EXD2: variants seen among roughly 807,000 people sequenced by gnomAD.
EXD2 encodes the protein exonuclease 3'-5' domain-containing protein 2.
EXD2 carries 40 observed loss-of-function variants against 62.5 expected under a neutral mutation model. That is an observed-to-expected ratio of 0.64 (90% CI 0.50 to 0.83). The LOEUF (loss-of-function observed/expected upper bound fraction) is 0.83. Ranked by LOEUF, EXD2 falls within the 40% of genes least tolerant of loss-of-function variation. The probability of loss-of-function intolerance (pLI) is 0.00; values close to 1 mark genes in which losing one functional copy is unlikely to be tolerated. For synonymous variants in EXD2, 239 were observed against 291.9 expected (o/e 0.82, Z 1.85); for missense variants, 671 against 761.8 (o/e 0.88, Z 1.40).
chr14:69,203,366 A>G (rs2042472393), intron 1 of EXD2, among the ~76,000 whole-genome samples: 1 of 152,010 alleles, frequency 6.6e-6, no homozygotes, highest in Non-Finnish European at 1.5e-5. Flanking sequence ...CTGAGCCATC[A>G]TGCCTGGCTT....
Position 69,241,171 on chromosome 14 carries a change from T to A in EXD2, c.*71T>A. 8.0e-7 allele frequency: 1 copy of A among 1,251,054 alleles called. No homozygotes were observed. Among genetic ancestry groups the A allele is most frequent in the South Asian group, 1.3e-5 (1 of 75,586 alleles). 77.5% of individuals were successfully genotyped at this position (1,251,054 alleles called of 1,614,324 possible). A position where few individuals can be genotyped will look rare whatever the true frequency, so the allele number is the denominator to read the frequency against. ...GGTTGAAGAGTCACCTCTTCCCATT[T>A]TAGTACATCATTAATTGTCAAAGCC... On this transcript the variant is annotated 3_prime_UTR_variant, in exon 10 of 10. Coordinates refer to ENST00000685843, the MANE Select transcript of EXD2 (RefSeq NM_001193360.2).
intron 5 of EXD2, among the ~76,000 whole-genome samples, chr14:69,233,606 A>C (rs2043665188): frequency 6.6e-6 from 1 of 151,078 alleles, no homozygotes; most frequent in African/African-American, 2.4e-5. Flanking sequence ...CGCCCAGCTG[A>C]TTTTTTTTAT....
At chr14:69,209,842 A>G in intron 3 of EXD2, 39 bp downstream of exon 3, 1 of 1,305,082 alleles carries the variant, frequency 7.7e-7, no homozygotes, top group Non-Finnish European at 1.0e-6. Context: ...AAAAAAAAAA[A>G]CAACTTCTGC....
chr14:69,238,018 T>C, intron 9 of EXD2, 87 bp downstream of exon 9: 2 of 1,211,090 alleles, frequency 1.7e-6, no homozygotes, highest in Non-Finnish European at 2.3e-6. Context: ...GGGCATTGGC[T>C]GCTTAGGCAC....
At position 69,221,909 on chromosome 14, in the gene EXD2, TAAAAAAAAAAAAA is replaced by T. The variant is rs60647735; in HGVS notation, c.334-6890_334-6878del. Among the ~76,000 whole-genome samples the T allele has an allele frequency of 3.5e-4, 18 of 52,056 alleles. No homozygotes were observed. The South Asian group carries it at 0.02, about 59-fold the overall frequency. The allele number at this position is 52,056 out of a possible 152,430, so 34.2% of individuals were successfully genotyped here. ...CAACATGGTGAAACCCTGTCTCTAC[TAAAAAAAAAAAAA>T]AAAAAAAAAAAAAAAATTAGCCAGG... On this transcript the variant is annotated intron_variant, in intron 3 of 9. Transcript: ENST00000685843.
At chr14:69,234,421 T>TTCTAAACTTCACTC (rs1305919415) in intron 5 of EXD2, among the ~76,000 whole-genome samples, 8 of 152,198 alleles carry the variant, frequency 5.3e-5, no homozygotes, top group African/African-American at 1.9e-4. Context: ...TTCACTGATT[T>TTCTAAACTTCACTC]ATATAGGTGA....
chr14:69,220,251 C>CTGTTTTTTTTTTTT (rs2043125326), intron 3 of EXD2, among the ~76,000 whole-genome samples: 6 of 60,604 alleles, frequency 9.9e-5, no homozygotes, highest in African/African-American at 2.8e-4. Context: ...TTTTGTCTCT[C>CTGTTTTTTTTTTTT]TGTTTTTTTT....
At position 69,216,167 on chromosome 14, in the gene EXD2, A is replaced by G. The variant is rs563213135; in HGVS notation, c.333+6364A>G. On this transcript the variant is annotated intron_variant, in intron 3 of 9. Coordinates refer to ENST00000685843, the MANE Select transcript of EXD2 (RefSeq NM_001193360.2). ...AGGGTTAAGTTTAATTTTTTCTCCT[A>G]AAGGGATAGTCAATCTGCCTAGAAT... is the stretch of plus-strand genomic sequence containing the variant. Among the ~76,000 whole-genome samples, 4 of 152,240 alleles carry G rather than the reference A, an allele frequency of 2.6e-5. No individual in the cohort carries two copies. In the South Asian group the frequency reaches 6.2e-4, roughly 24 times the overall value.
chr14:69,219,771 T>A (rs981226429), intron 3 of EXD2, among the ~76,000 whole-genome samples: 2 of 152,216 alleles, frequency 1.3e-5, no homozygotes, highest in African/African-American at 4.8e-5. Context: ...TAGACTATTA[T>A]CTTTGAAAAT....
intron 5 of EXD2, among the ~76,000 whole-genome samples, chr14:69,232,022 T>C (rs2043602384): frequency 6.6e-6 from 1 of 151,696 alleles, no homozygotes; most frequent in Non-Finnish European, 1.5e-5. Flanking sequence ...TAAGTCCCAC[T>C]GCCTATATTC....
intron 1 of EXD2, among the ~76,000 whole-genome samples, chr14:69,202,275 G>T (rs540157536): frequency 0.013 from 2,002 of 152,214 alleles, 41 homozygotes; most frequent in African/African-American, 0.047. Context: ...ACTTGGGGGG[G>T]TTGAGGTGGG....
intron 8 of EXD2, 63 bp from the exon 9 acceptor site, chr14:69,237,512 C>CT: frequency 6.7e-7 from 1 of 1,498,276 alleles, no homozygotes; most frequent in Non-Finnish European, 9.3e-7. Context: ...AGCCTGTCTG[C>CT]TGTCTTCCCA....
At chr14:69,203,344 G>A (rs1426286505) in intron 1 of EXD2, among the ~76,000 whole-genome samples, 2 of 152,020 alleles carry the variant, frequency 1.3e-5, no homozygotes, top group Non-Finnish European at 2.9e-5. Context: ...CCAAAGTGCT[G>A]GGATTACAGG....
chr14:69,221,480 A>C (rs553403779), intron 3 of EXD2, among the ~76,000 whole-genome samples: 26 of 152,312 alleles, frequency 1.7e-4, no homozygotes, highest in Middle Eastern at 3.4e-3. Flanking sequence ...AATTATTGGC[A>C]TAAACCAAGT....
intron 3 of EXD2, among the ~76,000 whole-genome samples, chr14:69,217,023 A>T (rs1313932651): frequency 6.6e-6 from 1 of 151,964 alleles, no homozygotes; most frequent in East Asian, 1.9e-4. Context: ...CCTGTGGTAA[A>T]CACTATTCTA....
chr14:69,192,424 TA>T (rs2140165667), intron 1 of EXD2, among the ~76,000 whole-genome samples: 2 of 152,298 alleles, frequency 1.3e-5, no homozygotes, highest in South Asian at 4.1e-4. Flanking sequence ...GAGCTTGTTT[TA>T]AAAATGTATT....
In EXD2 at chr14:69,243,097, G is replaced by A. The variant is rs376901942; in HGVS notation, c.*1997G>A. ...AAAGTAGAGGAAAAAGCCAGACTGCGTCACACAAGATTTCTCATCCTTTTC... is the reference window on the plus strand; with the variant it reads ...AAAGTAGAGGAAAAAGCCAGACTGCATCACACAAGATTTCTCATCCTTTTC... On this transcript the variant is annotated 3_prime_UTR_variant, in exon 10 of 10. Coordinates refer to ENST00000685843, the MANE Select transcript of EXD2 (RefSeq NM_001193360.2). The A allele has an allele frequency of 7.2e-5, 11 of 152,302 alleles. No homozygotes were observed. In the East Asian group the frequency reaches 1.5e-3, roughly 21 times the overall value. 9.4% of individuals were successfully genotyped at this position (152,302 alleles called of 1,614,324 possible).
intron 5 of EXD2, among the ~76,000 whole-genome samples, chr14:69,231,735 C>G (rs144887779): frequency 6.6e-6 from 1 of 152,160 alleles, no homozygotes; most frequent in African/African-American, 2.4e-5. Context: ...GGAGTGCACT[C>G]TAGGCCTGCT....
chr14:69,195,476 T>G (rs534351409), intron 1 of EXD2, among the ~76,000 whole-genome samples: 2 of 152,290 alleles, frequency 1.3e-5, no homozygotes, highest in South Asian at 4.1e-4. Context: ...GGATTACAGG[T>G]GTGAACCACC....
Sources: allele counts gnomAD v4.1 joint callset (sites outside exome capture counted in the v4.1 genomes callset), GRCh38; gene constraint gnomAD v4.1.1; transcripts MANE v1.5; gene names NCBI Gene and HGNC (gene_info 2026-07-23, HGNC 2026-07-21).